The following SLC16A2 variants were observed in gnomAD, a reference collection of about 807,000 sequenced individuals.
SLC16A2 encodes solute carrier family 16 member 2.
SLC16A2 carries 3 observed loss-of-function variants against 27.2 expected under a neutral mutation model. The ratio of observed to expected loss-of-function variants is 0.11; its 90% CI spans 0.05 to 0.28. SLC16A2 has a LOEUF of 0.28. Among genes scored for constraint, SLC16A2 ranks in the 10% least tolerant of loss-of-function variants. SLC16A2 has a pLI of 1.00. For synonymous variants in SLC16A2, 202 were observed against 187.8 expected, an observed-to-expected ratio of 1.08 and a Z score of -0.62; for missense variants, 295 against 458.5, an observed-to-expected ratio of 0.64 and a Z score of 3.26.
At chrX:74,446,601 C>G (rs753326933) in intron 1 of SLC16A2, among the ~76,000 whole-genome samples, 1 of 107,670 alleles carries the variant, frequency 9.3e-6, no homozygotes, top group African/African-American at 3.4e-5. Context: ...GCCTGGGTGA[C>G]AGAGTAAGAC....
At chrX:74,486,677 C>T (rs916436117) in intron 1 of SLC16A2, among the ~76,000 whole-genome samples, 6 of 112,204 alleles carry the variant, frequency 5.3e-5, no homozygotes, top group Non-Finnish European at 7.5e-5. Context: ...GACAGTGTGG[C>T]GATTCCTCAA....
intron 1 of SLC16A2, among the ~76,000 whole-genome samples, chrX:74,483,886 G>A (rs1379318412): frequency 1.8e-5 from 2 of 111,362 alleles, no homozygotes; most frequent in Admixed American, 1.9e-4. Flanking sequence ...CTGACTAGGG[G>A]AAGGGCTTCC....
intron 1 of SLC16A2, among the ~76,000 whole-genome samples, chrX:74,496,035 C>A (rs1320046604): frequency 9.0e-6 from 1 of 111,079 alleles, no homozygotes; most frequent in Admixed American, 9.5e-5. Flanking sequence ...AGGAGCCCAA[C>A]TGCCCGGTCT....
intron 1 of SLC16A2, among the ~76,000 whole-genome samples, chrX:74,479,184 T>C (rs1929558728): frequency 8.9e-6 from 1 of 111,823 alleles, no homozygotes; most frequent in Non-Finnish European, 1.9e-5. Flanking sequence ...TGTTCATTTC[T>C]TTTTATTCTT....
At chrX:74,501,670 A>G (rs1037712915) in intron 1 of SLC16A2, among the ~76,000 whole-genome samples, 2 of 111,283 alleles carry the variant, frequency 1.8e-5, no homozygotes, top group African/African-American at 3.3e-5. Flanking sequence ...CACCGCATGG[A>G]AAGTGCGTCT....
chrX:74,527,521 A>G (rs890988361), intron 4 of SLC16A2, among the ~76,000 whole-genome samples: 1 of 112,104 alleles, frequency 8.9e-6, no homozygotes, highest in Non-Finnish European at 1.9e-5. Context: ...GTGGCTCTTA[A>G]TGTTGGTAAA....
intron 1 of SLC16A2, among the ~76,000 whole-genome samples, chrX:74,482,397 G>C (rs116317387): frequency 9.0e-6 from 1 of 110,657 alleles, no homozygotes; most frequent in African/African-American, 3.3e-5. Flanking sequence ...TTTATTTCTC[G>C]CTCTCTTCTC....
chrX:74,422,344 T>C (rs1278756788), intron 1 of SLC16A2, among the ~76,000 whole-genome samples: 2 of 111,808 alleles, frequency 1.8e-5, no homozygotes, highest in Non-Finnish European at 3.8e-5. Flanking sequence ...GGACTTTTTT[T>C]TGCCCTGGGA....
Position 74,531,266 on chromosome X carries a change from C to T in SLC16A2, c.1400-67C>T, listed in dbSNP as rs369006884. The T allele has an allele frequency of 1.1e-4, 103 of 950,451 alleles. 2 individuals carry two copies. Among genetic ancestry groups the T allele is most frequent in the South Asian group, 1.0e-3 (52 of 50,536 alleles). 78.3% of individuals were successfully genotyped at this position (950,451 alleles called of 1,213,427 possible). On this transcript the variant is annotated intron_variant, in intron 5 of 5. Transcript: ENST00000587091. ...ATAGGCACTGTGATGGCCCCTAGAA[C>T]GGGCTGAGAGTACCTTTGGACAGTA...
intron 1 of SLC16A2, among the ~76,000 whole-genome samples, chrX:74,510,391 A>AAAAAC (rs1216869721): frequency 8.9e-6 from 1 of 111,943 alleles, no homozygotes; most frequent in East Asian, 2.8e-4. Context: ...AGTAAAAAAA[A>AAAAAC]AAAACAAAAC....
intron 1 of SLC16A2, among the ~76,000 whole-genome samples, chrX:74,514,937 A>G (rs1320480120): frequency 8.9e-6 from 1 of 112,012 alleles, no homozygotes; most frequent in Non-Finnish European, 1.9e-5. Flanking sequence ...GAGGCCTTCT[A>G]AAACACAAGA....
intron 1 of SLC16A2, among the ~76,000 whole-genome samples, chrX:74,467,100 G>A (rs1025507884): frequency 4.5e-5 from 5 of 112,097 alleles, no homozygotes; most frequent in South Asian, 3.7e-4. Flanking sequence ...TTAAGGGCCC[G>A]CCCCTCCCCT....
intron 1 of SLC16A2, among the ~76,000 whole-genome samples, chrX:74,452,834 G>T (rs1370641728): frequency 9.0e-6 from 1 of 110,857 alleles, no homozygotes; most frequent in African/African-American, 3.3e-5. Flanking sequence ...GCCCTTCAAG[G>T]TATAGCCTAC....
intron 1 of SLC16A2, among the ~76,000 whole-genome samples, chrX:74,438,244 T>A (rs1264585754): frequency 8.9e-6 from 1 of 112,398 alleles, no homozygotes; most frequent in Admixed American, 9.4e-5. Flanking sequence ...TCACTCCCTA[T>A]CTGTAAAAAA....
Position 74,448,115 on chromosome X carries a change from CA to C in SLC16A2, c.430+26050del, listed in dbSNP as rs1452475598. Among the ~76,000 whole-genome samples, 4 of 111,369 alleles carry C rather than the reference CA, an allele frequency of 3.6e-5. No homozygotes were observed. The Admixed American group carries it at 3.8e-4, about 11-fold the overall frequency. ...AGCAGTCATCCATCCCAACGGTTCC[CA>C]ACCCTAGCTGACTATCAAAATCATG... On this transcript the variant is annotated intron_variant, in intron 1 of 5. Transcript: ENST00000587091.
chrX:74,494,110 C>T (rs1199993982), intron 1 of SLC16A2, among the ~76,000 whole-genome samples: 1 of 112,254 alleles, frequency 8.9e-6, no homozygotes. Context: ...TTGCTGTCTC[C>T]AGTCACAAGC....
intron 1 of SLC16A2, among the ~76,000 whole-genome samples, chrX:74,464,869 C>A (rs1288729134): frequency 9.0e-6 from 1 of 110,951 alleles, no homozygotes; most frequent in African/African-American, 3.3e-5. Flanking sequence ...ACAACAACAA[C>A]AAAAAACTTG....
Position 74,421,577 on chromosome X carries a change from A to G in SLC16A2, c.-61A>G, listed in dbSNP as rs1483761221. 19 of 1,175,375 alleles carry G rather than the reference A, an allele frequency of 1.6e-5. No individual in the cohort carries two copies. The highest frequency in any genetic ancestry group is 2.1e-5 in the Non-Finnish European group (18 of 871,307). On this transcript the variant is annotated 5_prime_UTR_variant, in exon 1 of 6. Transcript: ENST00000587091. ...CGAGCAGCAGCAGCTGCAGCAGCAG[A>G]AACAAGTACCAGCCACAAAGCGGCT...
At chrX:74,517,944 T>G in intron 1 of SLC16A2, among the ~76,000 whole-genome samples, 1 of 112,456 alleles carries the variant, frequency 8.9e-6, no homozygotes, top group East Asian at 2.8e-4. Flanking sequence ...TTGTTCAAGT[T>G]TCAGTAGTTC....
Sources: allele counts gnomAD v4.1 joint callset (sites outside exome capture counted in the v4.1 genomes callset), GRCh38; gene constraint gnomAD v4.1.1; transcripts MANE v1.5; gene names NCBI Gene and HGNC (gene_info 2026-07-23, HGNC 2026-07-21).